The following RAP1A variants were observed in gnomAD, a reference collection of about 807,000 sequenced individuals.
RAP1A encodes RAP1A, member of RAS oncogene family.
Under a neutral mutation model 26.4 loss-of-function variants are expected in RAP1A, and 6 were observed. The observed-to-expected ratio is 0.23, with a 90% confidence interval of 0.12 to 0.45. The LOEUF is 0.45. Among genes scored for constraint, RAP1A ranks in the 20% least tolerant of loss-of-function variants. The pLI is 0.99. For missense variants in RAP1A, 121 were observed against 217.2 expected, an observed-to-expected ratio of 0.56 and a Z score of 2.78; for synonymous variants, 73 against 79.4, an observed-to-expected ratio of 0.92 and a Z score of 0.43.
intron 1 of RAP1A, among the ~76,000 whole-genome samples, chr1:111,646,439 AC>A (rs1557876622): frequency 7.9e-5 from 11 of 138,560 alleles, no homozygotes; most frequent in South Asian, 2.1e-4. Flanking sequence ...AAAAAACAAA[AC>A]AAAACCTCAA....
At chr1:111,587,468 C>T (rs1277632189) in intron 1 of RAP1A, among the ~76,000 whole-genome samples, 1 of 152,128 alleles carries the variant, frequency 6.6e-6, no homozygotes, top group Non-Finnish European at 1.5e-5. Context: ...CTAATCCCTC[C>T]ATCTGACCTC....
intron 1 of RAP1A, among the ~76,000 whole-genome samples, chr1:111,591,177 A>T (rs1658465086): frequency 6.6e-6 from 1 of 152,148 alleles, no homozygotes; most frequent in African/African-American, 2.4e-5. Flanking sequence ...ATTTAGTTGC[A>T]TGAAGTTTAT....
At chr1:111,696,165 G>T (rs1449867306) in intron 3 of RAP1A, among the ~76,000 whole-genome samples, 1 of 152,182 alleles carries the variant, frequency 6.6e-6, no homozygotes, top group Non-Finnish European at 1.5e-5. Context: ...ACCAGCCAGA[G>T]TTGTGGAAAA....
At chr1:111,549,947 C>T (rs560457022) in intron 1 of RAP1A, among the ~76,000 whole-genome samples, 1 of 152,302 alleles carries the variant, frequency 6.6e-6, no homozygotes, top group South Asian at 2.1e-4. Context: ...GCACCACAGC[C>T]AGCCTTGTTT....
intron 1 of RAP1A, among the ~76,000 whole-genome samples, chr1:111,570,104 G>T (rs1188690761): frequency 1.3e-5 from 2 of 152,158 alleles, no homozygotes; most frequent in Non-Finnish European, 2.9e-5. Flanking sequence ...TTTGGCATGA[G>T]ATCTCAAATG....
intron 1 of RAP1A, among the ~76,000 whole-genome samples, chr1:111,642,786 C>CG (rs1553218230): frequency 1.7e-5 from 2 of 119,496 alleles, no homozygotes; most frequent in Non-Finnish European, 3.4e-5. Flanking sequence ...CGTGCCCAGC[C>CG]TTTTTTTTTT....
intron 1 of RAP1A, among the ~76,000 whole-genome samples, chr1:111,687,028 T>G (rs1225247147): frequency 6.6e-6 from 1 of 152,052 alleles, no homozygotes; most frequent in Non-Finnish European, 1.5e-5. Context: ...TATAGTTAGG[T>G]CTTGCTTTTT....
At chr1:111,649,333 T>C in intron 1 of RAP1A, 2 of 409,870 alleles carry the variant, frequency 4.9e-6, no homozygotes, top group South Asian at 2.0e-5. Flanking sequence ...CATGGTCTCC[T>C]CATTCTGGAT....
chr1:111,716,295 C>T lies in RAP1A; in HGVS notation c.*3894C>T, dbSNP rs1006437352. 12 of 152,116 alleles carry T rather than the reference C, an allele frequency of 7.9e-5. No individual in the cohort carries two copies. 9.4% of individuals were successfully genotyped at this position (152,116 alleles called of 1,614,324 possible). A position where few individuals can be genotyped will look rare whatever the true frequency, so the allele number is the denominator to read the frequency against. On this transcript the variant is annotated 3_prime_UTR_variant, in exon 8 of 8. Coordinates refer to ENST00000369709, the MANE Select transcript of RAP1A (RefSeq NM_002884.4). ...CTACCCAGCTTTTAGTATTTATGTT[C>T]CCCAAAATGTAAAAACTGTAAGTTA...
At chr1:111,644,423 C>T (rs931393750) in intron 1 of RAP1A, among the ~76,000 whole-genome samples, 10 of 152,090 alleles carry the variant, frequency 6.6e-5, no homozygotes, top group Admixed American at 2.0e-4. Flanking sequence ...ATTTTGCTTC[C>T]TCACATCACT....
At chr1:111,635,934 G>A (rs1659717890) in intron 1 of RAP1A, among the ~76,000 whole-genome samples, 1 of 152,086 alleles carries the variant, frequency 6.6e-6, no homozygotes, top group African/African-American at 2.4e-5. Context: ...AATATCTTAT[G>A]CCATGTATCC....
At chr1:111,588,282 A>G (rs1658416473) in intron 1 of RAP1A, among the ~76,000 whole-genome samples, 1 of 152,152 alleles carries the variant, frequency 6.6e-6, no homozygotes, top group South Asian at 2.1e-4. Flanking sequence ...ACTTTAGCTG[A>G]GGCCTTTGCC....
At chr1:111,653,946 T>G (rs1400704847) in intron 1 of RAP1A, among the ~76,000 whole-genome samples, 1 of 152,110 alleles carries the variant, frequency 6.6e-6, no homozygotes, top group Non-Finnish European at 1.5e-5. Context: ...AAGATATTAT[T>G]TTGACATAAG....
intron 1 of RAP1A, among the ~76,000 whole-genome samples, chr1:111,556,258 A>G (rs1485658298): frequency 6.6e-6 from 1 of 152,218 alleles, no homozygotes; most frequent in Non-Finnish European, 1.5e-5. Context: ...TACCAAAAAA[A>G]CACTCACACA....
At position 111,651,507 on chromosome 1, in the gene RAP1A, C is replaced by T. The variant is rs141783610; in HGVS notation, c.-28+31573C>T. Reference sequence around the variant, plus strand: ...TTTTTTTTTTTTTTAGACAGAGTCTCGCTCTGTTACCCAGGCTATAGTGCA... The same window carrying T: ...TTTTTTTTTTTTTTAGACAGAGTCTTGCTCTGTTACCCAGGCTATAGTGCA... On this transcript the variant is annotated intron_variant, in intron 1 of 7. Coordinates refer to ENST00000369709, the MANE Select transcript of RAP1A (RefSeq NM_002884.4). Among the ~76,000 whole-genome samples, 587 of 134,806 alleles carry T rather than the reference C, an allele frequency of 4.4e-3. 5 individuals carry two copies. The highest frequency in any genetic ancestry group is 0.015 in the African/African-American group (556 of 36,502). The allele number at this position is 134,806 out of a possible 152,430, so 88.4% of individuals were successfully genotyped here.
At chr1:111,629,246 A>G (rs1286085671) in intron 1 of RAP1A, among the ~76,000 whole-genome samples, 2 of 152,150 alleles carry the variant, frequency 1.3e-5, no homozygotes, top group Non-Finnish European at 2.9e-5. Flanking sequence ...CATTACTTTT[A>G]GTGTTCCTGT....
intron 1 of RAP1A, among the ~76,000 whole-genome samples, chr1:111,682,184 C>G (rs2101212391): frequency 6.6e-6 from 1 of 152,024 alleles, no homozygotes; most frequent in African/African-American, 2.4e-5. Context: ...TACAAGAGGC[C>G]CTGAAGGAAG....
In RAP1A at chr1:111,579,719, G is replaced by A. The variant is rs535818942; in HGVS notation, c.-28+37210G>A. Among the ~76,000 whole-genome samples the A allele has an allele frequency of 7.2e-5, 11 of 152,188 alleles. No individual in the cohort carries two copies. The South Asian group carries it at 1.0e-3, about 14-fold the overall frequency. On this transcript the variant is annotated intron_variant, in intron 1 of 7. Transcript: ENST00000356415. ...CCTACCTTAGACAAACTCATAACAC[G>A]TATGTTAGTTTACCTTGAGTAAAAT...
chr1:111,607,551 G>C (rs1324160935), intron 1 of RAP1A, among the ~76,000 whole-genome samples: 1 of 151,516 alleles, frequency 6.6e-6, no homozygotes, highest in Admixed American at 6.6e-5. Flanking sequence ...GGGGCGGCTG[G>C]CCGGGCAGAG....
Sources: gnomAD v4.1 joint callset for allele counts (sites outside exome capture counted in the v4.1 genomes callset) on GRCh38, gnomAD v4.1.1 for gene constraint, MANE v1.5 for transcripts, NCBI Gene and HGNC (gene_info 2026-07-23, HGNC 2026-07-21) for gene names.